The following LARGE1 variants were observed in gnomAD, a reference collection of about 807,000 sequenced individuals.
The protein encoded by LARGE1 is xylosyl- and glucuronyltransferase LARGE1.
LARGE1 carries 43 observed loss-of-function variants against 87.6 expected under a neutral mutation model. The observed-to-expected ratio is 0.49, with a 90% CI of 0.38 to 0.63. LARGE1 has a LOEUF of 0.63. Ranked by LOEUF, LARGE1 falls within the 30% of genes least tolerant of loss-of-function variation. The pLI, the probability that LARGE1 is intolerant of heterozygous loss-of-function variation, is 0.00. For synonymous variants in LARGE1, 434 were observed against 394.6 expected, an observed-to-expected ratio of 1.10 and a Z score of -1.18; for missense variants, 802 against 1,000.2, an observed-to-expected ratio of 0.80 and a Z score of 2.67.
chr22:33,253,955 C>T (rs1200012768), intron 11 of LARGE1, among the ~76,000 whole-genome samples: 1 of 150,606 alleles, frequency 6.6e-6, no homozygotes, highest in Non-Finnish European at 1.5e-5. Context: ...TAGCTTGCCA[C>T]CTATGTAAAA....
intron 5 of LARGE1, among the ~76,000 whole-genome samples, chr22:33,601,436 C>T (rs193295409): frequency 3.9e-5 from 6 of 152,198 alleles, no homozygotes; most frequent in African/African-American, 1.4e-4. Context: ...GGCTGTCAGG[C>T]TGGTGGAGTA....
chr22:33,706,836 C>T (rs1185475732), intron 2 of LARGE1, among the ~76,000 whole-genome samples: 2 of 152,152 alleles, frequency 1.3e-5, no homozygotes, highest in Non-Finnish European at 1.5e-5. Flanking sequence ...CATCTCAGAT[C>T]CTGAAACCAC....
intron 2 of LARGE1, among the ~76,000 whole-genome samples, chr22:33,704,165 T>A (rs1284422028): frequency 1.3e-5 from 2 of 152,200 alleles, no homozygotes; most frequent in Non-Finnish European, 1.5e-5. Flanking sequence ...GTAATTACTG[T>A]ATAAAACAAA....
chr22:33,113,672 T>A, the LARGE1 span, among the ~76,000 whole-genome samples: 1 of 152,210 alleles, frequency 6.6e-6, no homozygotes, highest in African/African-American at 2.4e-5. Context: ...CCTCAGTTGG[T>A]TCAACTGTTA....
rs186619627 is a variant in LARGE1, at chr22:33,434,348, T to C, written c.788-2083A>G. On this transcript the variant is annotated intron_variant, in intron 6 of 14. Coordinates refer to ENST00000397394, the MANE Select transcript of LARGE1 (RefSeq NM_133642.5). ...ACGTAGTCTCGCTCTGTTGCCAGGC[T>C]GGAGTGCAGTGGCGCAATCTGGGCT... Among the ~76,000 whole-genome samples, 150 of 152,342 alleles carry C rather than the reference T, an allele frequency of 9.8e-4. 1 individual carries two copies. Among genetic ancestry groups the C allele is most frequent in the African/African-American group, 3.5e-3 (146 of 41,580 alleles).
intron 6 of LARGE1, among the ~76,000 whole-genome samples, chr22:33,457,603 TAA>T: frequency 6.6e-6 from 1 of 151,768 alleles, no homozygotes; most frequent in Middle Eastern, 3.4e-3. Context: ...CTAAGAGACA[TAA>T]GACAAAAAAT....
the LARGE1 span, among the ~76,000 whole-genome samples, chr22:33,089,152 A>G: frequency 6.6e-6 from 1 of 152,216 alleles, no homozygotes; most frequent in African/African-American, 2.4e-5. Context: ...CATTTTCTTC[A>G]GAACAGAGTA....
At chr22:33,673,808 T>G (rs912746547) in intron 2 of LARGE1, among the ~76,000 whole-genome samples, 1 of 152,118 alleles carries the variant, frequency 6.6e-6, no homozygotes, top group Non-Finnish European at 1.5e-5. Context: ...AGGACTCTCC[T>G]GCCTCAGCCT....
chr22:33,694,943 T>C (rs376124192), intron 2 of LARGE1, among the ~76,000 whole-genome samples: 1 of 152,198 alleles, frequency 6.6e-6, no homozygotes, highest in East Asian at 1.9e-4. Context: ...AAGTGCTTAG[T>C]GAGCATCTTT....
At chr22:33,632,003 A>G (rs1316151291) in intron 3 of LARGE1, among the ~76,000 whole-genome samples, 2 of 152,234 alleles carry the variant, frequency 1.3e-5, no homozygotes, top group Admixed American at 1.3e-4. Flanking sequence ...GACTGTATAG[A>G]CATAACACTC....
chr22:33,283,366 G>C lies in LARGE1; in HGVS notation c.1731-18C>G. 2 of 1,614,090 alleles carry C rather than the reference G, an allele frequency of 1.2e-6. No individual in the cohort carries two copies. Among genetic ancestry groups the C allele is most frequent in the Non-Finnish European group, 1.7e-6 (2 of 1,179,946 alleles). ...CAGACTTCCTGAAAAGAGGGGACAG[G>C]CAGAGAGACAGAGTCCCTGTGACAC... On this transcript the variant is annotated intron_variant, in intron 12 of 14. Coordinates refer to ENST00000397394, the MANE Select transcript of LARGE1 (RefSeq NM_133642.5).
intron 1 of LARGE1, among the ~76,000 whole-genome samples, chr22:33,897,274 T>C (rs2065169961): frequency 6.6e-6 from 1 of 152,192 alleles, no homozygotes; most frequent in African/African-American, 2.4e-5. Flanking sequence ...GCCCATTCTT[T>C]TGCAAAAACC....
At chr22:33,552,955 A>C (rs2077573557) in intron 6 of LARGE1, among the ~76,000 whole-genome samples, 1 of 152,190 alleles carries the variant, frequency 6.6e-6, no homozygotes, top group Non-Finnish European at 1.5e-5. Context: ...CCTCAAACCC[A>C]GGTCTTGGAA....
intron 2 of LARGE1, among the ~76,000 whole-genome samples, chr22:33,754,441 T>G (rs2084433701): frequency 6.6e-6 from 1 of 151,746 alleles, no homozygotes; most frequent in African/African-American, 2.4e-5. Context: ...GTTCATGCCA[T>G]TCACCTGCCC....
At chr22:33,472,642 C>T (rs760566287) in intron 6 of LARGE1, among the ~76,000 whole-genome samples, 2 of 152,138 alleles carry the variant, frequency 1.3e-5, no homozygotes, top group Non-Finnish European at 2.9e-5. Flanking sequence ...AATGTCTCAG[C>T]AGATAGTCAT....
Position 33,604,521 on chromosome 22 carries a change from T to C in LARGE1, c.529A>G (p.Ile177Val), listed in dbSNP as rs1400596139. ...AGCGTGGCCAGGATCTGCTCCGCAA[T>C]GGAGTCAGCAATAAGGTGGAAGTGC... ...PLHFHLIADS[I>V]AEQILATLFQ... Residue 177 changes from isoleucine to valine, a missense_variant, in exon 5 of 15, where the codon ATT (isoleucine) becomes GTT (valine). Physicochemically the swap from Ile to Val is conservative, Grantham distance 29 (BLOSUM62 3). Around this residue, in one of 2 missense-constraint regions of LARGE1, gnomAD observed 625 missense variants for 841.9 expected, o/e 0.74. Coordinates refer to ENST00000397394, the MANE Select transcript of LARGE1 (RefSeq NM_133642.5). The C allele has an allele frequency of 1.9e-6, 3 of 1,613,966 alleles. No individual in the cohort carries two copies. Among genetic ancestry groups the C allele is most frequent in the Admixed American group, 1.7e-5 (1 of 60,006 alleles).
At chr22:33,590,776 T>C (rs2078813607) in intron 5 of LARGE1, among the ~76,000 whole-genome samples, 1 of 152,218 alleles carries the variant, frequency 6.6e-6, no homozygotes, top group African/African-American at 2.4e-5. Context: ...TGACAGTCAG[T>C]GAAGTCCTAT....
chr22:33,422,866 A>G (rs2066743449), intron 7 of LARGE1, among the ~76,000 whole-genome samples: 1 of 152,082 alleles, frequency 6.6e-6, no homozygotes. Flanking sequence ...ATCCACCCCC[A>G]TGATCCAATC....
rs966243548 is a variant in LARGE1, at chr22:33,476,390, C to A, written c.788-44125G>T. Among the ~76,000 whole-genome samples the A allele has an allele frequency of 5.9e-5, 9 of 152,350 alleles. 1 individual carries two copies. In the East Asian group the frequency reaches 1.7e-3, roughly 29 times the overall value. On this transcript the variant is annotated intron_variant, in intron 6 of 14. Transcript: ENST00000397394. ...AAGAATGCAACCCTTTGTCTCTTAT[C>A]TACCTATGACCTGGAAGCTCCGCCT...
Sources: gnomAD v4.1 joint callset for allele counts (sites outside exome capture counted in the v4.1 genomes callset) on GRCh38, gnomAD v4.1.1 for gene constraint, gnomAD v4.1.1 regional missense constraint, MANE v1.5 for transcripts, NCBI Gene and HGNC (gene_info 2026-07-23, HGNC 2026-07-21) for gene names.